RBFOX1: variants seen among roughly 807,000 people sequenced by gnomAD.
The protein encoded by RBFOX1 is RNA binding fox-1 homolog 1.
In RBFOX1, 8 loss-of-function variants were observed where a neutral mutation model predicts 57.7. The observed-to-expected ratio is 0.14, with a 90% confidence interval of 0.08 to 0.25. The LOEUF is 0.25. Among genes scored for constraint, RBFOX1 ranks in the 10% least tolerant of loss-of-function variants. The pLI, the probability that RBFOX1 is intolerant of heterozygous loss-of-function variation, is 1.00. For missense variants in RBFOX1, 611 were observed against 548.5 expected, an observed-to-expected ratio of 1.11 and a Z score of -1.14; for synonymous variants, 326 against 222.4, an observed-to-expected ratio of 1.47 and a Z score of -4.15.
intron 1 of RBFOX1, among the ~76,000 whole-genome samples, chr16:5,308,929 T>A (rs904087629): frequency 6.6e-6 from 1 of 152,160 alleles, no homozygotes; most frequent in Admixed American, 6.5e-5. Context: ...CTCTCCCACC[T>A]CCCCTGGGCT....
At chr16:6,533,265 A>G (rs2096685665) in intron 2 of RBFOX1, among the ~76,000 whole-genome samples, 1 of 152,234 alleles carries the variant, frequency 6.6e-6, no homozygotes, top group East Asian at 1.9e-4. Flanking sequence ...TAAGTAACCT[A>G]TGCACATGAT....
intron 1 of RBFOX1, among the ~76,000 whole-genome samples, chr16:6,167,098 G>A (rs1175704023): frequency 1.3e-5 from 2 of 152,168 alleles, no homozygotes; most frequent in African/African-American, 2.4e-5. Flanking sequence ...GAGTCAAGGC[G>A]AGATGATGAG....
At chr16:7,104,189 C>G (rs971298791) in intron 4 of RBFOX1, among the ~76,000 whole-genome samples, 2 of 152,094 alleles carry the variant, frequency 1.3e-5, no homozygotes, top group Non-Finnish European at 2.9e-5. Flanking sequence ...TGTTAAATGT[C>G]TTTGCTAGTG....
intron 1 of RBFOX1, among the ~76,000 whole-genome samples, chr16:6,181,531 T>C (rs760668042): frequency 4.6e-5 from 7 of 152,178 alleles, no homozygotes; most frequent in Non-Finnish European, 8.8e-5. Context: ...TAGTCCCAAA[T>C]ATTTTTCACG....
At chr16:7,313,641 T>G (rs5009028) in intron 4 of RBFOX1, among the ~76,000 whole-genome samples, 116,064 of 151,702 alleles carry the variant, frequency 0.77, 44,514 homozygotes, top group East Asian at 0.94. Flanking sequence ...AATCAATAAC[T>G]TTTATGGAGT....
intron 4 of RBFOX1, among the ~76,000 whole-genome samples, chr16:7,334,436 T>G (rs2096748789): frequency 6.6e-6 from 1 of 151,944 alleles, no homozygotes; most frequent in Non-Finnish European, 1.5e-5. Context: ...ACTGGAAACG[T>G]GGGGTGAAGG....
intron 3 of RBFOX1, among the ~76,000 whole-genome samples, chr16:5,715,291 C>G (rs1797421392): frequency 2.0e-5 from 3 of 152,158 alleles, no homozygotes. Context: ...GATGATTAAA[C>G]TGTAAATTGT....
intron 4 of RBFOX1, among the ~76,000 whole-genome samples, chr16:5,931,673 G>A (rs906622711): frequency 7.9e-5 from 12 of 152,134 alleles, no homozygotes; most frequent in African/African-American, 2.9e-4. Context: ...CTCAAGTTTT[G>A]TGGGTCCTGA....
At chr16:7,694,446 G>A (rs552851771) in intron 14 of RBFOX1, among the ~76,000 whole-genome samples, 2 of 152,308 alleles carry the variant, frequency 1.3e-5, no homozygotes, top group East Asian at 3.9e-4. Context: ...TGTTCTAAAA[G>A]GCAGGGTCAG....
chr16:7,337,937 C>T (rs1455719871), intron 4 of RBFOX1, among the ~76,000 whole-genome samples: 1 of 152,246 alleles, frequency 6.6e-6, no homozygotes, highest in Non-Finnish European at 1.5e-5. Context: ...CCCGCCTTGG[C>T]CTCCCAGAGT....
rs146007063 is a variant in RBFOX1 at position 7,512,565 on chromosome 16, C to G, written c.28-5582C>G. ...AACATCTGTTTGAGAACTCCAGGTA[C>G]AGGATGAAATCTGGAGTCCCATGTT... is the stretch of plus-strand genomic sequence containing the variant. On this transcript the variant is annotated intron_variant, in intron 4 of 15. Transcript: ENST00000550418. Among the ~76,000 whole-genome samples the G allele has an allele frequency of 8.1e-3, 1,232 of 152,300 alleles. 5 individuals are homozygous for G. Among genetic ancestry groups the G allele is most frequent in the Non-Finnish European group, 0.012 (800 of 68,030 alleles).
chr16:6,524,068 T>G (rs890356549), intron 2 of RBFOX1, among the ~76,000 whole-genome samples: 6 of 152,218 alleles, frequency 3.9e-5, no homozygotes, highest in Non-Finnish European at 8.8e-5. Flanking sequence ...ATAGTCACCC[T>G]GTTGTGCTAT....
intron 1 of RBFOX1, among the ~76,000 whole-genome samples, chr16:6,183,774 A>G (rs534796720): frequency 6.6e-6 from 1 of 152,146 alleles, no homozygotes; most frequent in Non-Finnish European, 1.5e-5. Flanking sequence ...GGGGAGAAAA[A>G]GAGACAAGAG....
intron 2 of RBFOX1, among the ~76,000 whole-genome samples, chr16:6,533,939 G>T (rs1444661720): frequency 1.3e-5 from 2 of 151,984 alleles, no homozygotes; most frequent in Admixed American, 6.6e-5. Flanking sequence ...AAGTCAAGCT[G>T]CAAGGAGGAA....
intron 3 of RBFOX1, among the ~76,000 whole-genome samples, chr16:5,860,653 G>T (rs574907329): frequency 2.6e-5 from 4 of 152,258 alleles, no homozygotes; most frequent in South Asian, 4.1e-4. Flanking sequence ...TACCTCCCCA[G>T]GGCTAAAAGA....
chr16:6,871,975 A>C (rs2060989074), intron 3 of RBFOX1, among the ~76,000 whole-genome samples: 1 of 143,316 alleles, frequency 7.0e-6, no homozygotes, highest in African/African-American at 2.6e-5. Context: ...CCCTCGGTAG[A>C]GTATGGGGAT....
chr16:7,607,743 G>A (rs1232951593), intron 10 of RBFOX1, among the ~76,000 whole-genome samples: 1 of 152,164 alleles, frequency 6.6e-6, no homozygotes. Context: ...GCAGAGAGTC[G>A]AGTTGGCTTA....
intron 4 of RBFOX1, among the ~76,000 whole-genome samples, chr16:7,299,358 C>T (rs1397286459): frequency 6.6e-6 from 1 of 152,124 alleles, no homozygotes; most frequent in African/African-American, 2.4e-5. Context: ...CTGGGTATTG[C>T]CTGCGCTTGT....
chr16:6,112,027 A>AG (rs1357926356), intron 1 of RBFOX1, among the ~76,000 whole-genome samples: 1 of 152,134 alleles, frequency 6.6e-6, no homozygotes, highest in East Asian at 1.9e-4. Context: ...TGATAAAAAA[A>AG]AAGTAGGTGA....
Sources: allele counts gnomAD v4.1 joint callset (sites outside exome capture counted in the v4.1 genomes callset), GRCh38; gene constraint gnomAD v4.1.1; transcripts MANE v1.5; gene names NCBI Gene and HGNC (gene_info 2026-07-23, HGNC 2026-07-21).